The following CAMTA1 variants were observed in gnomAD, a reference collection of about 807,000 sequenced individuals.
The protein encoded by CAMTA1 is calmodulin-binding transcription activator 1.
A neutral mutation model predicts 170.9 loss-of-function variants in CAMTA1; 27 were observed. That is an observed-to-expected ratio of 0.16 (90% CI 0.12 to 0.22). The LOEUF (loss-of-function observed/expected upper bound fraction) is 0.22, where lower values mean the gene tolerates loss of function less well. Among genes scored for constraint, CAMTA1 ranks in the 10% least tolerant of loss-of-function variants. The pLI, the probability that CAMTA1 is intolerant of heterozygous loss-of-function variation, is 1.00. For synonymous variants in CAMTA1, 833 were observed against 891.5 expected (o/e 0.93, Z 1.17); for missense variants, 1,619 against 2,217.2 (o/e 0.73, Z 5.42).
At chr1:7,235,644 T>C (rs1663688313) in intron 4 of CAMTA1, among the ~76,000 whole-genome samples, 1 of 151,922 alleles carries the variant, frequency 6.6e-6, no homozygotes, top group Non-Finnish European at 1.5e-5. Flanking sequence ...AAAAGAAAAA[T>C]GAAAGCACAC....
At chr1:7,059,514 G>T (rs997587972) in intron 3 of CAMTA1, among the ~76,000 whole-genome samples, 1 of 152,124 alleles carries the variant, frequency 6.6e-6, no homozygotes, top group African/African-American at 2.4e-5. Flanking sequence ...CAGCTACTTG[G>T]GAGGCTGGGG....
chr1:7,589,991 C>G (rs1294290201), intron 6 of CAMTA1, among the ~76,000 whole-genome samples: 1 of 152,200 alleles, frequency 6.6e-6, no homozygotes, highest in East Asian at 1.9e-4. Context: ...TTTTAAAGCC[C>G]TTTGCACACC....
intron 11 of CAMTA1, among the ~76,000 whole-genome samples, chr1:7,702,576 A>G (rs1234170451): frequency 6.6e-6 from 1 of 152,124 alleles, no homozygotes; most frequent in Non-Finnish European, 1.5e-5. Context: ...CTGAGCACTT[A>G]CAGCGTGCCC....
chr1:7,392,229 T>C (rs1038943438), intron 5 of CAMTA1, among the ~76,000 whole-genome samples: 11 of 148,166 alleles, frequency 7.4e-5, no homozygotes, highest in Admixed American at 2.0e-4. Flanking sequence ...TTTGAGACCC[T>C]CCAAACCTCA....
intron 5 of CAMTA1, among the ~76,000 whole-genome samples, chr1:7,390,661 A>G (rs1329551949): frequency 6.6e-6 from 1 of 152,152 alleles, no homozygotes; most frequent in Non-Finnish European, 1.5e-5. Context: ...TACAGAAAGC[A>G]CTCAGTACCA....
rs74782265 is a variant in CAMTA1 at position 6,848,194 on chromosome 1, T to C, written c.234+22984T>C. 6.4e-3 allele frequency among the ~76,000 whole-genome samples: 970 copies of C among 152,284 alleles called. 12 individuals are homozygous for C. Among genetic ancestry groups the C allele is most frequent in the African/African-American group, 0.022 (918 of 41,558 alleles). On this transcript the variant is annotated intron_variant, in intron 3 of 22. Transcript: ENST00000303635. ...TTGTTGTTTTCTTTGAAGGTCTCACTCTGTCTCCCAGCTTGATCATAGCTC... is the reference window on the plus strand; with the variant it reads ...TTGTTGTTTTCTTTGAAGGTCTCACCCTGTCTCCCAGCTTGATCATAGCTC...
Position 7,717,908 on chromosome 1 carries a change from C to T in CAMTA1, c.2915-14540C>T, listed in dbSNP as rs558364608. Among the ~76,000 whole-genome samples the T allele has an allele frequency of 4.9e-4, 75 of 152,138 alleles. 1 individual carries two copies. Among genetic ancestry groups the T allele is most frequent in the African/African-American group, 1.6e-3 (67 of 41,508 alleles). On this transcript the variant is annotated intron_variant, in intron 11 of 22. Transcript: ENST00000303635. Reference sequence around the variant, plus strand: ...TCTTGAAGTTCACGTTGTGTATTTCCGATAGTTGAAATTAAATCATTTCGT... The same window carrying T: ...TCTTGAAGTTCACGTTGTGTATTTCTGATAGTTGAAATTAAATCATTTCGT...
At chr1:7,403,079 G>A (rs1344776007) in intron 5 of CAMTA1, among the ~76,000 whole-genome samples, 1 of 152,164 alleles carries the variant, frequency 6.6e-6, no homozygotes, top group African/African-American at 2.4e-5. Context: ...TCACCCAGGC[G>A]CGGTGGCTCA....
intron 5 of CAMTA1, among the ~76,000 whole-genome samples, chr1:7,257,691 T>A (rs1454979491): frequency 1.4e-5 from 2 of 143,278 alleles, no homozygotes; most frequent in African/African-American, 5.3e-5. Context: ...CCCAGTTAAA[T>A]GTGAATTTCA....
intron 4 of CAMTA1, among the ~76,000 whole-genome samples, chr1:7,151,285 C>T (rs969200862): frequency 2.6e-5 from 4 of 152,260 alleles, no homozygotes; most frequent in Non-Finnish European, 5.9e-5. Context: ...TGAAATGTAG[C>T]ACCCGAGCCT....
At chr1:6,879,884 C>G (rs1167787246) in intron 3 of CAMTA1, among the ~76,000 whole-genome samples, 2 of 151,300 alleles carry the variant, frequency 1.3e-5, no homozygotes, top group African/African-American at 4.9e-5. Context: ...GCCTTGGCCT[C>G]CCAAAGTGAT....
intron 3 of CAMTA1, among the ~76,000 whole-genome samples, chr1:6,858,023 A>C (rs1030051576): frequency 1.3e-5 from 2 of 152,222 alleles, no homozygotes; most frequent in African/African-American, 4.8e-5. Flanking sequence ...GTAAATGCTC[A>C]ATAAAGAATT....
intron 3 of CAMTA1, among the ~76,000 whole-genome samples, chr1:7,086,307 C>T (rs765744320): frequency 1.3e-4 from 19 of 151,988 alleles, no homozygotes; most frequent in Non-Finnish European, 2.2e-4. Context: ...GGGAGGCCGC[C>T]GGGCACGCAC....
chr1:7,237,626 C>T (rs374903196), intron 4 of CAMTA1, among the ~76,000 whole-genome samples: 2 of 152,316 alleles, frequency 1.3e-5, no homozygotes, highest in Admixed American at 6.5e-5. Flanking sequence ...AATATCCACA[C>T]GCAAAACGTC....
At chr1:7,343,209 T>C (rs1317517472) in intron 5 of CAMTA1, among the ~76,000 whole-genome samples, 1 of 152,144 alleles carries the variant, frequency 6.6e-6, no homozygotes, top group Non-Finnish European at 1.5e-5. Flanking sequence ...AATGGTGAAA[T>C]AAAACACAGG....
intron 5 of CAMTA1, among the ~76,000 whole-genome samples, chr1:7,364,733 C>T (rs1359478443): frequency 4.0e-5 from 6 of 151,680 alleles, no homozygotes; most frequent in Non-Finnish European, 8.8e-5. Flanking sequence ...TCCCAGTGTG[C>T]TGTGGGCTCT....
intron 1 of CAMTA1, among the ~76,000 whole-genome samples, chr1:6,792,342 G>GTT (rs75615458): frequency 5.2e-5 from 7 of 134,082 alleles, no homozygotes; most frequent in South Asian, 2.4e-4. Context: ...GTGGTTTTGG[G>GTT]TTTTTTTTTT....
intron 11 of CAMTA1, among the ~76,000 whole-genome samples, chr1:7,707,677 G>T (rs2096537439): frequency 6.6e-6 from 1 of 152,238 alleles, no homozygotes; most frequent in African/African-American, 2.4e-5. Context: ...GAGAAGTCCA[G>T]ATGTGATGTA....
chr1:6,856,771 A>G (rs902018831), intron 3 of CAMTA1, among the ~76,000 whole-genome samples: 3 of 152,212 alleles, frequency 2.0e-5, no homozygotes, highest in African/African-American at 7.2e-5. Context: ...TCTCTTAGAA[A>G]GTGATATTTT....
Sources: gnomAD v4.1 joint callset for allele counts (sites outside exome capture counted in the v4.1 genomes callset) on GRCh38, gnomAD v4.1.1 for gene constraint, MANE v1.5 for transcripts, NCBI Gene and HGNC (gene_info 2026-07-23, HGNC 2026-07-21) for gene names.